The following LIPI variants were observed in gnomAD, a reference collection of about 807,000 sequenced individuals.
The protein encoded by LIPI is lipase I.
A neutral mutation model predicts 50.6 loss-of-function variants in LIPI; 59 were observed. The ratio of observed to expected loss-of-function variants is 1.16; its 90% CI spans 0.94 to 1.45. LIPI has a LOEUF of 1.45. Among genes scored for constraint, LIPI ranks in the 40% most tolerant of loss-of-function variants. The pLI is 0.00. For missense variants in LIPI, 586 were observed against 536.3 expected, an observed-to-expected ratio of 1.09 and a Z score of -0.92; for synonymous variants, 203 against 178.2, an observed-to-expected ratio of 1.14 and a Z score of -1.11.
intron 9 of LIPI, 122 bp from the exon 10 acceptor site, chr21:14,109,202 A>C (rs1196093753): frequency 1.3e-6 from 1 of 765,356 alleles, no homozygotes; most frequent in South Asian, 1.5e-5. Context: ...CTCTAAATGT[A>C]GGGAGTTGGA....
chr21:14,191,578 A>G (rs2019678686), intron 1 of LIPI, among the ~76,000 whole-genome samples: 1 of 152,160 alleles, frequency 6.6e-6, no homozygotes, highest in Non-Finnish European at 1.5e-5. Flanking sequence ...TTAAATAAAT[A>G]GAGAACTAAG....
chr21:14,191,236 G>A (rs945559883), intron 1 of LIPI, among the ~76,000 whole-genome samples: 2 of 151,644 alleles, frequency 1.3e-5, no homozygotes, highest in African/African-American at 4.8e-5. Flanking sequence ...AAATAGCCGG[G>A]CGTAGTGGCG....
chr21:14,122,928 C>T (rs1363109672), intron 9 of LIPI, among the ~76,000 whole-genome samples: 1 of 152,110 alleles, frequency 6.6e-6, no homozygotes, highest in Non-Finnish European at 1.5e-5. Context: ...ACATTTTAAC[C>T]CCAAGGATCC....
At chr21:14,110,927 T>C (rs1244885506) in intron 9 of LIPI, among the ~76,000 whole-genome samples, 1 of 148,156 alleles carries the variant, frequency 6.7e-6, no homozygotes, top group African/African-American at 2.5e-5. Context: ...ATATATATAG[T>C]ATATACCATA....
chr21:14,163,780 T>A (rs1311567314), intron 6 of LIPI, among the ~76,000 whole-genome samples: 1 of 152,012 alleles, frequency 6.6e-6, no homozygotes, highest in Non-Finnish European at 1.5e-5. Flanking sequence ...TCCATCCGTA[T>A]GGCTATAGTC....
intron 1 of LIPI, among the ~76,000 whole-genome samples, chr21:14,210,246 T>C: frequency 6.8e-6 from 1 of 147,306 alleles, no homozygotes; most frequent in South Asian, 2.2e-4. Context: ...CTCTTAATAT[T>C]GATAAACTTT....
At chr21:14,177,496 ATT>A (rs1438041199) in intron 4 of LIPI, among the ~76,000 whole-genome samples, 1 of 151,984 alleles carries the variant, frequency 6.6e-6, no homozygotes, top group Non-Finnish European at 1.5e-5. Context: ...TGTTGTATGC[ATT>A]CTTTCTCTCT....
chr21:14,195,902 C>T (rs542632277), intron 1 of LIPI, among the ~76,000 whole-genome samples: 1 of 152,096 alleles, frequency 6.6e-6, no homozygotes, highest in South Asian at 2.1e-4. Context: ...AATAATATAC[C>T]ACTACATACC....
At chr21:14,186,664 C>A (rs915043343) in intron 2 of LIPI, among the ~76,000 whole-genome samples, 7 of 152,078 alleles carry the variant, frequency 4.6e-5, no homozygotes, top group African/African-American at 7.3e-5. Flanking sequence ...ATTCTAATCC[C>A]CAAGGTGATG....
At chr21:14,143,405 A>T (rs747270657) in intron 9 of LIPI, 1 of 152,208 alleles carries the variant, frequency 6.6e-6, no homozygotes, top group Non-Finnish European at 1.5e-5. Flanking sequence ...AAATAATATC[A>T]CACCAAAAGT....
intron 9 of LIPI, among the ~76,000 whole-genome samples, chr21:14,130,541 C>T (rs1221276006): frequency 1.3e-5 from 2 of 152,198 alleles, no homozygotes; most frequent in Admixed American, 6.5e-5. Context: ...CTTGAACAGA[C>T]TGCACTGCCC....
intron 4 of LIPI, among the ~76,000 whole-genome samples, chr21:14,170,526 G>T (rs180779141): frequency 6.6e-6 from 1 of 152,232 alleles, no homozygotes; most frequent in East Asian, 1.9e-4. Flanking sequence ...ATGATCAAGT[G>T]GGCTTCATCC....
intron 9 of LIPI, among the ~76,000 whole-genome samples, chr21:14,132,603 T>A (rs909582826): frequency 6.6e-6 from 1 of 152,040 alleles, no homozygotes. Context: ...AAAGTCAATA[T>A]TCACCATCAC....
At chr21:14,201,267 T>C (rs1401694515) in intron 1 of LIPI, among the ~76,000 whole-genome samples, 4 of 152,096 alleles carry the variant, frequency 2.6e-5, no homozygotes, top group Admixed American at 2.0e-4. Context: ...AAGTGGGATC[T>C]AATTAAACTA....
rs577122049 is a variant in LIPI at position 14,187,788 on chromosome 21, A to T, written c.432+1246T>A. Among the ~76,000 whole-genome samples the T allele has an allele frequency of 1.1e-3, 164 of 152,308 alleles. 2 individuals carry two copies. Among genetic ancestry groups the T allele is most frequent in the Non-Finnish European group, 1.6e-3 (109 of 68,020 alleles). On this transcript the variant is annotated intron_variant, in intron 2 of 9. Transcript: ENST00000681601. ...AATGATTACTAAATGTCACCCACTG[A>T]TTAAGCACATATATATTAATTCAAT...
At chr21:14,158,148 G>C (rs553933591) in intron 7 of LIPI, among the ~76,000 whole-genome samples, 22 of 151,710 alleles carry the variant, frequency 1.5e-4, no homozygotes, top group Non-Finnish European at 2.7e-4. Context: ...CAAAAAAGCA[G>C]AATACACATG....
chr21:14,109,073 G>C lies in LIPI; in HGVS notation c.1303C>G (p.Leu435Val). 1 of 1,594,964 alleles carries C rather than the reference G, an allele frequency of 6.3e-7. No homozygotes were observed. Among genetic ancestry groups the C allele is most frequent in the Non-Finnish European group, 8.6e-7 (1 of 1,163,262 alleles). Reference sequence around the variant, plus strand: ...TTAAGTACAATATTATACCTGCAAAGTGGTGGTCTGAGAAAGAGAAAAATG... The same window carrying C: ...TTAAGTACAATATTATACCTGCAAACTGGTGGTCTGAGAAAGAGAAAAATG... Reference protein sequence around the residue: ...KSLTYPERPPLCRYNIVLKDR... With the variant: ...KSLTYPERPPVCRYNIVLKDR... Residue 435 changes from leucine (L) to valine (V), a missense_variant, in exon 10 of 10, where the codon CTT becomes GTT. Physicochemically the swap from Leu to Val is conservative, Grantham distance 32. Coordinates refer to ENST00000681601, the MANE Select transcript of LIPI (RefSeq NM_001302998.2).
At chr21:14,156,524 A>G (rs989929128) in intron 7 of LIPI, among the ~76,000 whole-genome samples, 1 of 151,964 alleles carries the variant, frequency 6.6e-6, no homozygotes, top group Admixed American at 6.6e-5. Flanking sequence ...CCTTGACTTT[A>G]GCACAGTGAC....
At chr21:14,176,103 G>A (rs1021640723) in intron 4 of LIPI, among the ~76,000 whole-genome samples, 1 of 151,252 alleles carries the variant, frequency 6.6e-6, no homozygotes, top group East Asian at 1.9e-4. Context: ...GCGTGAACCC[G>A]GGAGTTGGAG....
Sources: gnomAD v4.1 joint callset for allele counts (sites outside exome capture counted in the v4.1 genomes callset) on GRCh38, gnomAD v4.1.1 for gene constraint, MANE v1.5 for transcripts, NCBI Gene and HGNC (gene_info 2026-07-23, HGNC 2026-07-21) for gene names.